Variants in FRAS1 observed in about 807,000 individuals in gnomAD.
FRAS1 encodes Fraser extracellular matrix complex subunit 1.
In FRAS1, 290 loss-of-function variants were observed where a neutral mutation model predicts 435.2. The observed-to-expected ratio is 0.67, with a 90% CI of 0.61 to 0.73. FRAS1 has a LOEUF of 0.73. FRAS1 is among the 30% of genes least tolerant of loss of function. FRAS1 has a pLI of 0.00. For missense variants in FRAS1, 4,860 were observed against 5,001.5 expected (o/e 0.97, Z 0.85); for synonymous variants, 1,800 against 1,851.0 (o/e 0.97, Z 0.71).
chr4:78,489,292 C>G (rs1226668423), intron 59 of FRAS1, among the ~76,000 whole-genome samples: 1 of 152,132 alleles, frequency 6.6e-6, no homozygotes, highest in African/African-American at 2.4e-5. Context: ...TACTAATAAC[C>G]TACTGTTGAC....
At chr4:78,531,119 C>G (rs767107582) in intron 70 of FRAS1, among the ~76,000 whole-genome samples, 2 of 152,152 alleles carry the variant, frequency 1.3e-5, no homozygotes, top group Non-Finnish European at 2.9e-5. Flanking sequence ...TGGGAGTTCA[C>G]TCATGATTTG....
chr4:78,407,743 AC>A lies in FRAS1; in HGVS notation c.4215del (p.Thr1406ProfsTer69). On this transcript the variant is annotated frameshift_variant, in exon 31 of 74. Transcript: ENST00000512123. LOFTEE classifies it high-confidence loss of function. ...GQHLPDGRTA[T>X]PTSTFTQQDI... ...GCACCTGCCTGATGGGAGGACAGCTACCCCCACCAGCACCTTCACCCAGCAG... is the reference window on the plus strand; with the variant it reads ...GCACCTGCCTGATGGGAGGACAGCTACCCCACCAGCACCTTCACCCAGCAG... 6.2e-7 allele frequency: 1 copy of A among 1,613,574 alleles called. No homozygotes were observed. Among genetic ancestry groups the A allele is most frequent in the Non-Finnish European group, 8.5e-7 (1 of 1,179,742 alleles).
intron 5 of FRAS1, among the ~76,000 whole-genome samples, chr4:78,254,742 AG>A (rs1489956833): frequency 1.4e-5 from 2 of 139,972 alleles, no homozygotes; most frequent in Non-Finnish European, 3.2e-5. Context: ...GAGGAGAAAA[AG>A]CTTTTTTGTT....
chr4:78,059,458 C>A (rs1026377870), intron 1 of FRAS1, among the ~76,000 whole-genome samples: 12 of 151,408 alleles, frequency 7.9e-5, no homozygotes, highest in Non-Finnish European at 1.8e-4. Flanking sequence ...CAGTGCAAGT[C>A]CTGTAGAAAT....
chr4:78,127,219 G>A (rs912644956), intron 2 of FRAS1, among the ~76,000 whole-genome samples: 1 of 152,066 alleles, frequency 6.6e-6, no homozygotes, highest in Non-Finnish European at 1.5e-5. Context: ...TGGAGGAACT[G>A]GAAGGATTTC....
chr4:78,399,756 C>T (rs760521276), intron 29 of FRAS1, among the ~76,000 whole-genome samples: 1 of 152,122 alleles, frequency 6.6e-6, no homozygotes, highest in Non-Finnish European at 1.5e-5. Context: ...TTTACCACTG[C>T]GATTACCCTC....
At chr4:78,428,961 C>A in intron 35 of FRAS1, 134 bp from the exon 36 acceptor site, 1 of 800,104 alleles carries the variant, frequency 1.2e-6, no homozygotes, top group African/African-American at 1.7e-5. Context: ...TAAAGTAGTG[C>A]AAAAAAGTTT....
intron 41 of FRAS1, among the ~76,000 whole-genome samples, chr4:78,443,179 T>C (rs1358823140): frequency 2.0e-5 from 3 of 152,074 alleles, no homozygotes; most frequent in Non-Finnish European, 4.4e-5. Flanking sequence ...CAAGACCTTG[T>C]CTCCACTGAA....
At chr4:78,468,154 G>A (rs900216912) in intron 50 of FRAS1, among the ~76,000 whole-genome samples, 11 of 152,138 alleles carry the variant, frequency 7.2e-5, no homozygotes, top group African/African-American at 2.7e-4. Flanking sequence ...TGCTCACACT[G>A]ATGTCCTAGA....
intron 2 of FRAS1, among the ~76,000 whole-genome samples, chr4:78,154,500 G>A (rs1720799688): frequency 6.6e-6 from 1 of 152,142 alleles, no homozygotes; most frequent in African/African-American, 2.4e-5. Context: ...ACCTTTTAAA[G>A]CTATTAATGT....
In FRAS1 at chr4:78,499,730, T is replaced by C. The variant is rs764500418; in HGVS notation, c.9125T>C (p.Ile3042Thr). ...AACCATATTTCCTTAGCCCCCACCA[T>C]TGAGTTTGAAGAAGCTGCATACCAA... The part of the protein sequence containing the change: ...TISNDEDAPT[I>T]EFEEAAYQVR... Residue 3042 changes from isoleucine to threonine, a missense_variant, in exon 61 of 74, where the codon ATT becomes ACT. By Grantham distance (89) the Ile-to-Thr change is moderately conservative. Coordinates refer to ENST00000512123, the MANE Select transcript of FRAS1 (RefSeq NM_025074.7). 4.3e-6 allele frequency: 7 copies of C among 1,613,702 alleles called. No homozygotes were observed. Among genetic ancestry groups the C allele is most frequent in the Non-Finnish European group, 5.9e-6 (7 of 1,179,730 alleles).
At chr4:78,181,962 C>T (rs1384960720) in intron 2 of FRAS1, 3 of 1,596,168 alleles carry the variant, frequency 1.9e-6, no homozygotes, top group Non-Finnish European at 2.6e-6. Flanking sequence ...TTCAGCACCT[C>T]GAAGGGGTCC....
At chr4:78,303,102 T>C (rs1728505617) in intron 14 of FRAS1, among the ~76,000 whole-genome samples, 2 of 152,220 alleles carry the variant, frequency 1.3e-5, no homozygotes, top group Non-Finnish European at 2.9e-5. Flanking sequence ...CAGCACCATT[T>C]ATTAAATAGG....
Position 78,537,057 on chromosome 4 carries a change from C to T in FRAS1, c.11155C>T (p.Leu3719Phe). 1 of 1,614,004 alleles carries T rather than the reference C, an allele frequency of 6.2e-7. No individual in the cohort carries two copies. Among genetic ancestry groups the T allele is most frequent in the Non-Finnish European group, 8.5e-7 (1 of 1,179,884 alleles). ...ACAAAATCTTAATTCTGCTTACAAA[C>T]TCCAGCTGGAGAAAGTCTATCTTTG... ...PEQNLNSAYK[L>F]QLEKVYLCTG... Residue 3719 changes from leucine to phenylalanine, a missense_variant, in exon 72 of 74, where the codon CTC (leucine) becomes TTC (phenylalanine). Transcript: ENST00000512123.
chr4:78,115,834 T>A (rs886800909), intron 2 of FRAS1, among the ~76,000 whole-genome samples: 4 of 152,110 alleles, frequency 2.6e-5, no homozygotes, highest in Admixed American at 6.6e-5. Flanking sequence ...TTTCCTTCAG[T>A]TCTTCTCTGA....
At chr4:78,419,146 C>T (rs537868600) in intron 33 of FRAS1, 83 bp downstream of exon 33, 1 of 710,326 alleles carries the variant, frequency 1.4e-6, no homozygotes, top group East Asian at 2.9e-5. Context: ...GGAGTTTTGT[C>T]TGCTTGTATA....
rs572070410 is a variant in FRAS1 at position 78,112,240 on chromosome 4, A to C, written c.108+46224A>C. On this transcript the variant is annotated intron_variant, in intron 2 of 73. Coordinates refer to ENST00000512123, the MANE Select transcript of FRAS1 (RefSeq NM_025074.7). Reference sequence around the variant, plus strand: ...ACATTATTTTACCATAAGGTATAGAAAAGTCATGTCAAAAGCTAGCTGAAA... The same window carrying C: ...ACATTATTTTACCATAAGGTATAGACAAGTCATGTCAAAAGCTAGCTGAAA... 4.2e-4 allele frequency among the ~76,000 whole-genome samples: 64 copies of C among 152,278 alleles called. No individual in the cohort carries two copies. The South Asian group carries it at 0.013, about 31-fold the overall frequency.
intron 2 of FRAS1, among the ~76,000 whole-genome samples, chr4:78,223,571 T>C (rs1372054862): frequency 1.3e-5 from 2 of 152,158 alleles, no homozygotes; most frequent in Non-Finnish European, 2.9e-5. Context: ...TTAGGGTAGA[T>C]TATGTTGGCT....
At chr4:78,204,872 C>T (rs1448835940) in intron 2 of FRAS1, among the ~76,000 whole-genome samples, 2 of 152,188 alleles carry the variant, frequency 1.3e-5, no homozygotes, top group Non-Finnish European at 2.9e-5. Flanking sequence ...CGTCTTCTTC[C>T]TTACATTTTT....
Sources: allele counts gnomAD v4.1 joint callset (sites outside exome capture counted in the v4.1 genomes callset), GRCh38; gene constraint gnomAD v4.1.1; transcripts MANE v1.5; gene names NCBI Gene and HGNC (gene_info 2026-07-23, HGNC 2026-07-21).